The following PPP6R3 variants were observed in gnomAD, a reference collection of about 807,000 sequenced individuals.
PPP6R3 encodes protein phosphatase 6 regulatory subunit 3.
A neutral mutation model predicts 110.7 loss-of-function variants in PPP6R3; 38 were observed. That is an observed-to-expected ratio of 0.34 (90% CI 0.26 to 0.45). The LOEUF (loss-of-function observed/expected upper bound fraction) is 0.45, where lower values mean the gene tolerates loss of function less well. Ranked by LOEUF, PPP6R3 falls within the 20% of genes least tolerant of loss-of-function variation. The pLI is 1.00. For synonymous variants in PPP6R3, 369 were observed against 373.5 expected (o/e 0.99, Z 0.14); for missense variants, 870 against 1,062.4 (o/e 0.82, Z 2.52).
intron 22 of PPP6R3, among the ~76,000 whole-genome samples, chr11:68,608,323 G>T (rs1237703345): frequency 6.6e-6 from 1 of 152,170 alleles, no homozygotes; most frequent in East Asian, 1.9e-4. Context: ...AAACAAAAAT[G>T]CTCAAAACTC....
At chr11:68,496,405 G>T (rs1262783858) in intron 1 of PPP6R3, among the ~76,000 whole-genome samples, 2 of 151,982 alleles carry the variant, frequency 1.3e-5, no homozygotes, top group Admixed American at 6.6e-5. Context: ...GGGACTCATG[G>T]ATTCAAGCAG....
chr11:68,610,603 A>G (rs548739704), intron 23 of PPP6R3, among the ~76,000 whole-genome samples: 4 of 152,296 alleles, frequency 2.6e-5, no homozygotes, highest in Non-Finnish European at 5.9e-5. Context: ...CTTTTTGCTT[A>G]GCCTGAGCCA....
chr11:68,573,196 G>A (rs2099517339), intron 12 of PPP6R3, among the ~76,000 whole-genome samples: 1 of 133,424 alleles, frequency 7.5e-6, no homozygotes, highest in Non-Finnish European at 1.6e-5. Flanking sequence ...TGTCACCCAG[G>A]TTGGAGTGCA....
At chr11:68,493,170 T>G (rs913258373) in intron 1 of PPP6R3, among the ~76,000 whole-genome samples, 1 of 152,218 alleles carries the variant, frequency 6.6e-6, no homozygotes, top group African/African-American at 2.4e-5. Context: ...GTCTAAGTGC[T>G]AATGAGCCTG....
chr11:68,528,683 C>T (rs536721388), intron 2 of PPP6R3, among the ~76,000 whole-genome samples: 51 of 152,268 alleles, frequency 3.3e-4, no homozygotes, highest in Non-Finnish European at 5.9e-5. Flanking sequence ...AGATAACTTC[C>T]GTGGGAGTGA....
At chr11:68,509,416 G>A (rs754153145) in intron 1 of PPP6R3, among the ~76,000 whole-genome samples, 1 of 150,220 alleles carries the variant, frequency 6.7e-6, no homozygotes, top group Non-Finnish European at 1.5e-5. Context: ...CCATCAGTAC[G>A]TTCTCAGTCC....
chr11:68,501,845 T>C (rs2099050441), intron 1 of PPP6R3, among the ~76,000 whole-genome samples: 1 of 152,252 alleles, frequency 6.6e-6, no homozygotes, highest in South Asian at 2.1e-4. Flanking sequence ...GTCCTAGCGC[T>C]TCCTGTGCTT....
chr11:68,531,200 C>T (rs979662009), intron 2 of PPP6R3, among the ~76,000 whole-genome samples: 3 of 152,072 alleles, frequency 2.0e-5, no homozygotes, highest in African/African-American at 7.2e-5. Context: ...TTATGAATTA[C>T]AAGCTGTCAG....
intron 14 of PPP6R3, among the ~76,000 whole-genome samples, chr11:68,581,324 G>A (rs2099553684): frequency 6.6e-6 from 1 of 151,726 alleles, no homozygotes; most frequent in African/African-American, 2.4e-5. Context: ...TTCAATAAAA[G>A]TTAGTTTCTT....
At chr11:68,472,561 G>A (rs1445085138) in intron 1 of PPP6R3, among the ~76,000 whole-genome samples, 3 of 150,108 alleles carry the variant, frequency 2.0e-5, no homozygotes, top group Admixed American at 6.7e-5. Context: ...GCTAGCCCTT[G>A]GTATTGTCAG....
intron 1 of PPP6R3, among the ~76,000 whole-genome samples, chr11:68,470,905 C>G (rs1369445720): frequency 6.6e-6 from 1 of 152,040 alleles, no homozygotes; most frequent in African/African-American, 2.4e-5. Flanking sequence ...TGTTCAGTTT[C>G]TGAAGCTTTT....
chr11:68,595,200 A>ATTTTTTTTTT (rs71043443), intron 18 of PPP6R3, among the ~76,000 whole-genome samples: 8 of 81,170 alleles, frequency 9.9e-5, no homozygotes, highest in African/African-American at 2.0e-4. Context: ...CATAAAAATA[A>ATTTTTTTTTT]TTTTTTTTTT....
chr11:68,614,824 T>C lies in PPP6R3; in HGVS notation c.*1707T>C. The stretch of plus-strand genomic sequence containing the variant: ...CCCAGAGGACAGGGCTCCTCCTGCT[T>C]GCCTCAGGGCTGCCTGACTTGAATG... On this transcript the variant is annotated 3_prime_UTR_variant, in exon 24 of 24. Transcript: ENST00000393800. 1 of 1,387,086 alleles carries C rather than the reference T, an allele frequency of 7.2e-7. No homozygotes were observed. Among genetic ancestry groups the C allele is most frequent in the Non-Finnish European group, 1.0e-6 (1 of 1,003,398 alleles). 85.9% of individuals were successfully genotyped at this position (1,387,086 alleles called of 1,614,324 possible).
chr11:68,540,835 G>T (rs1301845879), intron 3 of PPP6R3, among the ~76,000 whole-genome samples: 4 of 152,180 alleles, frequency 2.6e-5, no homozygotes, highest in African/African-American at 9.7e-5. Flanking sequence ...GCTCACCTGC[G>T]GTCAGAGTTT....
intron 2 of PPP6R3, among the ~76,000 whole-genome samples, chr11:68,534,279 G>A (rs1188096755): frequency 1.3e-5 from 2 of 152,166 alleles, no homozygotes; most frequent in East Asian, 1.9e-4. Flanking sequence ...TGGAACAAAG[G>A]ACACTACACT....
chr11:68,475,390 G>T (rs1447179567), intron 1 of PPP6R3, among the ~76,000 whole-genome samples: 1 of 151,984 alleles, frequency 6.6e-6, no homozygotes, highest in Non-Finnish European at 1.5e-5. Flanking sequence ...CCACAAAACC[G>T]CCATCGTCAT....
At chr11:68,541,014 TTAAAG>T (rs1306299560) in intron 3 of PPP6R3, among the ~76,000 whole-genome samples, 8 of 152,170 alleles carry the variant, frequency 5.3e-5, no homozygotes, top group Non-Finnish European at 8.8e-5. Context: ...GATTAAGAGA[TTAAAG>T]TAAAGACAGG....
chr11:68,612,990 G>C, intron 23 of PPP6R3, 76 bp from the exon 24 acceptor site: 1 of 1,609,154 alleles, frequency 6.2e-7, no homozygotes, highest in East Asian at 2.2e-5. Flanking sequence ...CCTGCCCTTG[G>C]GGAGCTCAGC....
At chr11:68,542,146 T>TGGGCGGGGGGGG (rs2099319374) in intron 3 of PPP6R3, among the ~76,000 whole-genome samples, 1 of 22,952 alleles carries the variant, frequency 4.4e-5, no homozygotes, top group Non-Finnish European at 8.5e-5. Flanking sequence ...TGTGCTGGAG[T>TGGGCGGGGGGGG]GGGCGGGGGT....
Sources: allele counts gnomAD v4.1 joint callset (sites outside exome capture counted in the v4.1 genomes callset), GRCh38; gene constraint gnomAD v4.1.1; transcripts MANE v1.5; gene names NCBI Gene and HGNC (gene_info 2026-07-23, HGNC 2026-07-21).